The following PCDHA6 variants were observed in gnomAD, a reference collection of about 807,000 sequenced individuals.
PCDHA6 encodes protocadherin alpha-6.
In PCDHA6, 55 loss-of-function variants were observed where a neutral mutation model predicts 60.3. The observed-to-expected ratio is 0.91, with a 90% CI of 0.73 to 1.14. The LOEUF (loss-of-function observed/expected upper bound fraction) is 1.14. Ranked by LOEUF, PCDHA6 falls within the 50% of genes most tolerant of loss-of-function variation. The pLI is 0.00. For missense variants in PCDHA6, 1,327 were observed against 1,256.5 expected (o/e 1.06, Z -0.85); for synonymous variants, 652 against 557.9 (o/e 1.17, Z -2.38).
At chr5:140,969,552 T>A in intron 1 of PCDHA6, 1 of 1,234,382 alleles carries the variant, frequency 8.1e-7, no homozygotes, top group Non-Finnish European at 1.1e-6. Flanking sequence ...CATGAAGCCT[T>A]GTCCATAAAA....
intron 3 of PCDHA6, among the ~76,000 whole-genome samples, chr5:141,001,096 A>T (rs919555319): frequency 1.3e-5 from 2 of 152,130 alleles, no homozygotes; most frequent in Admixed American, 1.3e-4. Flanking sequence ...AAACTGTCTA[A>T]TCCATAATAA....
intron 1 of PCDHA6, among the ~76,000 whole-genome samples, chr5:140,878,493 C>A (rs1339637878): frequency 6.6e-6 from 1 of 152,008 alleles, no homozygotes; most frequent in Non-Finnish European, 1.5e-5. Context: ...AATATTTAAC[C>A]ATCTGTACGA....
chr5:140,876,729 G>C lies in PCDHA6; in HGVS notation c.2394+46244G>C, dbSNP rs781841207. The C allele has an allele frequency of 3.1e-6, 5 of 1,614,102 alleles. No homozygotes were observed. The East Asian group carries it at 6.7e-5, about 22-fold the overall frequency. On this transcript the variant is annotated intron_variant, in intron 1 of 3. Transcript: ENST00000529310. ...GCGCCCTGGACCGCGAGAGCGTGTC[G>C]GCCTATGAGCTGGTGGTGACTGCGC...
chr5:140,971,192 A>G (rs1450514781), intron 1 of PCDHA6, among the ~76,000 whole-genome samples: 3 of 152,178 alleles, frequency 2.0e-5, no homozygotes, highest in Non-Finnish European at 4.4e-5. Context: ...GGAAGCTCAG[A>G]GGAAAGACAC....
chr5:140,858,413 A>G lies in PCDHA6; in HGVS notation c.2394+27928A>G, dbSNP rs150984635. 3.9e-4 allele frequency: 609 copies of G among 1,562,348 alleles called. 39 individuals are homozygous for G. The African/African-American group carries it at 7.5e-3, about 19-fold the overall frequency. On this transcript the variant is annotated intron_variant, in intron 1 of 3. Transcript: ENST00000529310. Reference sequence around the variant, plus strand: ...AGATGTGGACGGGGAAGATCAGTCTATTGGAGGGGACCACTCTAGGAAGGT... The same window carrying G: ...AGATGTGGACGGGGAAGATCAGTCTGTTGGAGGGGACCACTCTAGGAAGGT...
At chr5:140,984,471 A>G (rs2153834399) in intron 3 of PCDHA6, among the ~76,000 whole-genome samples, 1 of 152,300 alleles carries the variant, frequency 6.6e-6, no homozygotes, top group Middle Eastern at 3.4e-3. Context: ...CCCCTCTTGT[A>G]TAACCCATTT....
chr5:140,897,086 T>TA (rs1430532398), intron 1 of PCDHA6, among the ~76,000 whole-genome samples: 12 of 152,178 alleles, frequency 7.9e-5, no homozygotes, highest in Non-Finnish European at 1.6e-4. Flanking sequence ...TTCTATTTTT[T>TA]ATCCTCATTA....
intron 1 of PCDHA6, chr5:140,866,169 T>C (rs914189373): frequency 2.0e-5 from 3 of 152,132 alleles, no homozygotes; most frequent in African/African-American, 4.8e-5. Context: ...TCGTTTAACA[T>C]GTAAGAAAAG....
At chr5:140,891,410 A>G (rs1381375342) in intron 1 of PCDHA6, among the ~76,000 whole-genome samples, 1 of 130,438 alleles carries the variant, frequency 7.7e-6, no homozygotes, top group East Asian at 2.5e-4. Context: ...GCCACCCCCC[A>G]CTCTTGCCCC....
At chr5:140,870,817 G>A in intron 1 of PCDHA6, 6 of 1,613,726 alleles carry the variant, frequency 3.7e-6, no homozygotes, top group Non-Finnish European at 5.1e-6. Context: ...GGCTGGCAGC[G>A]CGGGAGGCGC....
intron 1 of PCDHA6, chr5:140,841,270 C>T: frequency 6.5e-7 from 1 of 1,529,280 alleles, no homozygotes; most frequent in Non-Finnish European, 8.8e-7. Context: ...AAAGTACAGT[C>T]GTTCATCTTT....
chr5:140,830,704 T>A (rs1771209661), intron 1 of PCDHA6: 2 of 264,612 alleles, frequency 7.6e-6, no homozygotes, highest in Non-Finnish European at 1.4e-5. Flanking sequence ...ACCTCAGAAT[T>A]TTTGTCTTCA....
At chr5:141,005,479 G>A (rs371636060) in intron 3 of PCDHA6, among the ~76,000 whole-genome samples, 43 of 151,818 alleles carry the variant, frequency 2.8e-4, no homozygotes, top group Non-Finnish European at 2.6e-4. Context: ...CGAGACGGGC[G>A]GATCATGAGG....
chr5:140,890,439 A>C lies in PCDHA6; in HGVS notation c.2394+59954A>C, dbSNP rs114755692. On this transcript the variant is annotated intron_variant, in intron 1 of 3. Coordinates refer to ENST00000529310, the MANE Select transcript of PCDHA6 (RefSeq NM_018909.4). The stretch of plus-strand genomic sequence containing the variant: ...TATTTAGTTTATATTTACAATACCT[A>C]GTGATATCTTTAGGCACAAATATTT... 7.6e-3 allele frequency among the ~76,000 whole-genome samples: 1,153 copies of C among 152,326 alleles called. 6 individuals are homozygous for C. Among genetic ancestry groups the C allele is most frequent in the Non-Finnish European group, 0.013 (886 of 68,014 alleles).
chr5:140,838,055 C>A (rs1775397584), intron 1 of PCDHA6, among the ~76,000 whole-genome samples: 1 of 145,046 alleles, frequency 6.9e-6, no homozygotes, highest in African/African-American at 2.6e-5. Flanking sequence ...TTTTGGTTTT[C>A]CACTTTAAGT....
At chr5:140,871,438 C>G (rs1246532449) in intron 1 of PCDHA6, 3 of 1,611,836 alleles carry the variant, frequency 1.9e-6, no homozygotes, top group Middle Eastern at 1.7e-4. Flanking sequence ...TCCTCTAGGT[C>G]TGAATAAAGA....
At chr5:140,896,661 G>A (rs553525837) in intron 1 of PCDHA6, among the ~76,000 whole-genome samples, 1 of 152,220 alleles carries the variant, frequency 6.6e-6, no homozygotes. Context: ...ACAGGCATGA[G>A]TCACTGTGCC....
intron 1 of PCDHA6, among the ~76,000 whole-genome samples, chr5:140,874,110 C>T (rs115562650): frequency 0.024 from 3,605 of 152,160 alleles, 51 homozygotes; most frequent in Middle Eastern, 0.034. Flanking sequence ...AATTACTTAA[C>T]GTTTTATAGT....
At chr5:140,941,523 A>T (rs1351933430) in intron 1 of PCDHA6, among the ~76,000 whole-genome samples, 1 of 151,186 alleles carries the variant, frequency 6.6e-6, no homozygotes, top group Non-Finnish European at 1.5e-5. Flanking sequence ...CACCATCTTG[A>T]CCAGGCTGGT....
Sources: gnomAD v4.1 joint callset for allele counts (sites outside exome capture counted in the v4.1 genomes callset) on GRCh38, gnomAD v4.1.1 for gene constraint, MANE v1.5 for transcripts, NCBI Gene and HGNC (gene_info 2026-07-23, HGNC 2026-07-21) for gene names.